The following PPP2R2B variants were observed in gnomAD, a reference collection of about 807,000 sequenced individuals.
PPP2R2B encodes the protein serine/threonine-protein phosphatase 2A 55 kDa regulatory subunit B beta isoform.
Under a neutral mutation model 46.0 loss-of-function variants are expected in PPP2R2B, and 5 were observed. That is an observed-to-expected ratio of 0.11 (90% CI 0.06 to 0.23). The LOEUF is 0.23. Among genes scored for constraint, PPP2R2B ranks in the 10% least tolerant of loss-of-function variants. PPP2R2B has a pLI of 1.00. For missense variants in PPP2R2B, 367 were observed against 575.0 expected, an observed-to-expected ratio of 0.64 and a Z score of 3.70; for synonymous variants, 215 against 206.7, an observed-to-expected ratio of 1.04 and a Z score of -0.34.
chr5:146,921,688 A>G (rs796171948), intron 1 of PPP2R2B, among the ~76,000 whole-genome samples: 12 of 152,144 alleles, frequency 7.9e-5, no homozygotes, highest in African/African-American at 2.7e-4. Context: ...GTGAACTTCT[A>G]TATCAGTTCA....
intron 2 of PPP2R2B, among the ~76,000 whole-genome samples, chr5:147,070,591 C>A (rs1029196239): frequency 6.6e-6 from 1 of 152,170 alleles, no homozygotes; most frequent in Non-Finnish European, 1.5e-5. Flanking sequence ...AAGACAAATC[C>A]GTCTAGAGAA....
At chr5:146,873,017 T>C (rs1761702222) in intron 2 of PPP2R2B, among the ~76,000 whole-genome samples, 1 of 152,206 alleles carries the variant, frequency 6.6e-6, no homozygotes, top group Non-Finnish European at 1.5e-5. Flanking sequence ...TCTCTTGAGC[T>C]TCAGACCCAG....
intron 1 of PPP2R2B, among the ~76,000 whole-genome samples, chr5:146,934,602 A>G (rs1237033350): frequency 2.7e-5 from 4 of 150,524 alleles, no homozygotes; most frequent in African/African-American, 9.7e-5. Context: ...AAAAAAAAAA[A>G]AAAAAAAAAA....
chr5:146,583,163 T>C lies in PPP2R2B; in HGVS notation c.*6784A>G, dbSNP rs1036119776. The C allele has an allele frequency of 2.6e-5, 4 of 152,226 alleles. No individual in the cohort carries two copies. Among genetic ancestry groups the C allele is most frequent in the African/African-American group, 9.7e-5 (4 of 41,434 alleles). 9.4% of individuals were successfully genotyped at this position (152,226 alleles called of 1,614,324 possible). A position where few individuals can be genotyped will look rare whatever the true frequency, so the allele number is the denominator to read the frequency against. Reference sequence around the variant, plus strand: ...CTTTCTCTTCTCCTGGATAACTCACTCCCTTTATCTTTCGGATTTCACCTT... The same window carrying C: ...CTTTCTCTTCTCCTGGATAACTCACCCCCTTTATCTTTCGGATTTCACCTT... On this transcript the variant is annotated 3_prime_UTR_variant, in exon 10 of 10. Transcript: ENST00000394411.
intron 1 of PPP2R2B, among the ~76,000 whole-genome samples, chr5:147,049,910 A>T (rs1254723789): frequency 6.6e-6 from 1 of 152,218 alleles, no homozygotes; most frequent in Non-Finnish European, 1.5e-5. Flanking sequence ...TTCTGAAAAG[A>T]GGAGCAGGTG....
chr5:147,073,271 T>A (rs1314100110), intron 2 of PPP2R2B, among the ~76,000 whole-genome samples: 3 of 152,194 alleles, frequency 2.0e-5, no homozygotes, highest in Admixed American at 1.3e-4. Flanking sequence ...GAGAACAGGA[T>A]GTTTGCCTTC....
In PPP2R2B at chr5:146,671,799, T is replaced by A. The variant is rs1470002774; in HGVS notation, c.447+19329A>T. Among the ~76,000 whole-genome samples, 5 of 152,348 alleles carry A rather than the reference T, an allele frequency of 3.3e-5. No homozygotes were observed. The East Asian group carries it at 5.8e-4, about 18-fold the overall frequency. ...TCTATTGTATTACCTGCTATTGCTA[T>A]TTAAATCCCATTTGCTTATCCTGGT... On this transcript the variant is annotated intron_variant, in intron 5 of 9. Coordinates refer to ENST00000394411, the MANE Select transcript of PPP2R2B (RefSeq NM_181675.4).
chr5:146,718,359 G>A (rs1780611987), intron 2 of PPP2R2B, among the ~76,000 whole-genome samples: 4 of 151,720 alleles, frequency 2.6e-5, no homozygotes. Flanking sequence ...CTGTACTACA[G>A]CCTGGGTGAC....
At chr5:147,019,301 G>C (rs1022393175) in intron 1 of PPP2R2B, among the ~76,000 whole-genome samples, 2 of 152,188 alleles carry the variant, frequency 1.3e-5, no homozygotes, top group Non-Finnish European at 2.9e-5. Context: ...GTGATCTGCT[G>C]AGGTCAAGAA....
At chr5:147,022,243 A>G (rs951204095) in intron 1 of PPP2R2B, among the ~76,000 whole-genome samples, 9 of 152,062 alleles carry the variant, frequency 5.9e-5, no homozygotes, top group Admixed American at 3.9e-4. Context: ...TGGGCAGAAA[A>G]AATATTTATA....
intron 2 of PPP2R2B, among the ~76,000 whole-genome samples, chr5:146,868,440 CAA>C (rs1761434446): frequency 6.6e-6 from 1 of 152,162 alleles, no homozygotes; most frequent in South Asian, 2.1e-4. Context: ...CAGAACATAT[CAA>C]AGAGACCTAG....
At chr5:146,627,092 G>T (rs1455664561) in intron 7 of PPP2R2B, among the ~76,000 whole-genome samples, 1 of 152,134 alleles carries the variant, frequency 6.6e-6, no homozygotes, top group East Asian at 1.9e-4. Context: ...GGTGGTGGTG[G>T]TATCAGTGAA....
chr5:146,815,538 C>T (rs978555989), intron 2 of PPP2R2B, among the ~76,000 whole-genome samples: 1 of 152,234 alleles, frequency 6.6e-6, no homozygotes. Context: ...TTCAGGAGTG[C>T]ACGCAAGTGA....
chr5:146,757,137 G>A (rs1403583577), intron 2 of PPP2R2B, among the ~76,000 whole-genome samples: 2 of 152,112 alleles, frequency 1.3e-5, no homozygotes, highest in Non-Finnish European at 2.9e-5. Context: ...AGCATGGCAA[G>A]TGTGAGGAAC....
At chr5:146,915,123 C>T (rs1302785038) in intron 1 of PPP2R2B, among the ~76,000 whole-genome samples, 1 of 152,088 alleles carries the variant, frequency 6.6e-6, no homozygotes, top group Non-Finnish European at 1.5e-5. Flanking sequence ...CAGTCTGGTC[C>T]AAGCCACCAT....
At chr5:146,691,627 G>A (rs1374228058) in intron 4 of PPP2R2B, among the ~76,000 whole-genome samples, 14 of 152,238 alleles carry the variant, frequency 9.2e-5, no homozygotes, top group South Asian at 8.3e-4. Context: ...GGAAGTAGGT[G>A]CTATTATCTC....
rs150732278 is a variant in PPP2R2B at position 146,821,442 on chromosome 5, T to A, written c.70+56560A>T. ...CCCATGAAACAGCTAAGCATGGCTCTCCCTTCTCTGGTTGTCACAGCACTT... is the reference window on the plus strand; with the variant it reads ...CCCATGAAACAGCTAAGCATGGCTCACCCTTCTCTGGTTGTCACAGCACTT... On this transcript the variant is annotated intron_variant, in intron 2 of 9. Coordinates refer to ENST00000394411, the MANE Select transcript of PPP2R2B (RefSeq NM_181675.4). Among the ~76,000 whole-genome samples, 156 of 152,308 alleles carry A rather than the reference T, an allele frequency of 1.0e-3. 1 individual carries two copies. The highest frequency in any genetic ancestry group is 3.5e-3 in the African/African-American group (145 of 41,574).
intron 7 of PPP2R2B, among the ~76,000 whole-genome samples, chr5:146,617,379 A>G (rs1317645753): frequency 2.0e-5 from 3 of 152,256 alleles, no homozygotes; most frequent in Non-Finnish European, 2.9e-5. Flanking sequence ...CGTTTGTAAC[A>G]TAAAGAGTAC....
Position 146,592,043 on chromosome 5 carries a change from A to AAAT in PPP2R2B, c.1052+925_1052+927dup, listed in dbSNP as rs547838033. On this transcript the variant is annotated intron_variant, in intron 9 of 9. Transcript: ENST00000394411. The stretch of plus-strand genomic sequence containing the variant: ...TGTAAATAATAATATATGAATAAAT[A>AAAT]AATACCTATAAATAAATAATAAAAT... The AAAT allele has an allele frequency of 1.3e-3, 504 of 387,382 alleles. 10 individuals carry two copies. The highest frequency in any genetic ancestry group is 8.7e-3 in the South Asian group (436 of 49,944). 24.0% of individuals were successfully genotyped at this position (387,382 alleles called of 1,614,324 possible).
Sources: gnomAD v4.1 joint callset for allele counts (sites outside exome capture counted in the v4.1 genomes callset) on GRCh38, gnomAD v4.1.1 for gene constraint, MANE v1.5 for transcripts, NCBI Gene and HGNC (gene_info 2026-07-23, HGNC 2026-07-21) for gene names.